The following HIF3A variants were observed in gnomAD, a reference collection of about 807,000 sequenced individuals.
HIF3A encodes the protein hypoxia inducible factor 3 subunit alpha.
Under a neutral mutation model 67.2 loss-of-function variants are expected in HIF3A, and 41 were observed. The ratio of observed to expected loss-of-function variants is 0.61; its 90% CI spans 0.48 to 0.79. The LOEUF (loss-of-function observed/expected upper bound fraction) is 0.79. Among genes scored for constraint, HIF3A ranks in the 30% least tolerant of loss-of-function variants. The pLI is 0.00. For synonymous variants in HIF3A, 356 were observed against 374.8 expected (o/e 0.95, Z 0.58); for missense variants, 855 against 898.0 (o/e 0.95, Z 0.61).
chr19:46,331,282 G>C lies in HIF3A; in HGVS notation c.1830+9G>C. ...TCTTTCCTCTCAGCCTGGTGTGTTG[G>C]GGGATTAATGGGATTCTCTGGCCCT... On this transcript the variant is annotated intron_variant, in intron 13 of 14. Transcript: ENST00000377670. The C allele has an allele frequency of 6.3e-7, 1 of 1,598,044 alleles. No individual in the cohort carries two copies. The highest frequency in any genetic ancestry group is 8.6e-7 in the Non-Finnish European group (1 of 1,165,718).
chr19:46,335,576 T>A (rs574588337), intron 14 of HIF3A, among the ~76,000 whole-genome samples: 6 of 151,844 alleles, frequency 4.0e-5, no homozygotes, highest in African/African-American at 7.2e-5. Flanking sequence ...AGCCTAAAAA[T>A]TTTTTTTTAA....
At chr19:46,324,923 T>C (rs2147252277) in intron 10 of HIF3A, among the ~76,000 whole-genome samples, 1 of 143,904 alleles carries the variant, frequency 6.9e-6, no homozygotes, top group African/African-American at 2.5e-5. Context: ...CACACATATA[T>C]ATATACACAT....
chr19:46,339,425 A>T, intron 14 of HIF3A, 100 bp from the exon 15 acceptor site: 1 of 806,156 alleles, frequency 1.2e-6, no homozygotes. Flanking sequence ...CAATTTCCTT[A>T]AGATTTTAAA....
At chr19:46,305,538 G>T (rs919634952) in intron 3 of HIF3A, 148 bp downstream of exon 3, 1 of 842,708 alleles carries the variant, frequency 1.2e-6, no homozygotes, top group South Asian at 1.7e-5. Context: ...ACCCAGAATG[G>T]TCAGGGCTGG....
At chr19:46,301,123 A>C (rs1167166411) in intron 1 of HIF3A, among the ~76,000 whole-genome samples, 1 of 152,128 alleles carries the variant, frequency 6.6e-6, no homozygotes, top group East Asian at 1.9e-4. Context: ...GCCAGGAAGG[A>C]GGGGACGGGG....
At chr19:46,304,367 T>G (rs1249842518) in intron 2 of HIF3A, among the ~76,000 whole-genome samples, 1 of 152,150 alleles carries the variant, frequency 6.6e-6, no homozygotes, top group Non-Finnish European at 1.5e-5. Flanking sequence ...CCCGCCTCCT[T>G]AGGACTCAGA....
intron 11 of HIF3A, 153 bp from the exon 12 acceptor site, chr19:46,329,054 C>A: frequency 1.6e-6 from 1 of 638,700 alleles, no homozygotes; most frequent in Non-Finnish European, 2.6e-6. Flanking sequence ...ACATGTTCTT[C>A]AGGGAGTCCT....
chr19:46,315,305 G>A (rs1056780550), intron 8 of HIF3A, among the ~76,000 whole-genome samples: 1 of 146,586 alleles, frequency 6.8e-6, no homozygotes, highest in Non-Finnish European at 1.5e-5. Context: ...GACCTCAGGT[G>A]ATCCTCCTGC....
At position 46,312,736 on chromosome 19, in the gene HIF3A, T is replaced by TGC. The variant is rs1555780977; in HGVS notation, c.1025+85_1025+86dup. The TGC allele has an allele frequency of 3.3e-4, 497 of 1,500,754 alleles. 1 individual carries two copies. The South Asian group carries it at 4.1e-3, about 12-fold the overall frequency. The allele number at this position is 1,500,754 out of a possible 1,614,324, so 93.0% of individuals were successfully genotyped here. A position where few individuals can be genotyped will look rare whatever the true frequency, so the allele number is the denominator to read the frequency against. ...AGGTGTGTGTGTGTGTGTGTGTGTG[T>TGC]GCGTATGAGCATGCATGTGTATCAT... On this transcript the variant is annotated intron_variant, in intron 8 of 14. Transcript: ENST00000377670.
rs150202983 is a variant in HIF3A, at chr19:46,320,519, G to A, written c.1102G>A (p.Ala368Thr). ...CTCTCGCAGACCCATTCAGCGGGGC[G>A]CCCCCTCTCAGAAGGACACCCCTAA... The part of the protein sequence containing the change: ...QHSRRPIQRG[A>T]PSQKDTPNPG... The change falls in exon 9 of 15, where the codon GCC (alanine) becomes ACC (threonine). Residue 368 changes from alanine to threonine, a missense_variant. Transcript: ENST00000377670. 66 of 1,613,918 alleles carry A rather than the reference G, an allele frequency of 4.1e-5. No homozygotes were observed. Among genetic ancestry groups the A allele is most frequent in the Non-Finnish European group, 5.3e-5 (63 of 1,179,970 alleles).
intron 1 of HIF3A, among the ~76,000 whole-genome samples, chr19:46,301,647 G>A (rs935361393): frequency 2.0e-5 from 3 of 151,938 alleles, no homozygotes; most frequent in African/African-American, 4.8e-5. Flanking sequence ...CCAACATAGC[G>A]AAACCCCGTC....
chr19:46,321,897 G>C lies in HIF3A; in HGVS notation c.1266G>C (p.Leu422=). The C allele has an allele frequency of 6.2e-7, 1 of 1,613,974 alleles. No homozygotes were observed. The change falls in exon 10 of 15, where the codon CTG becomes CTC. Residue 422 remains leucine (L), a synonymous_variant. Coordinates refer to ENST00000377670, the MANE Select transcript of HIF3A (RefSeq NM_152795.4). Reference sequence around the variant, plus strand: ...TCCGTCGCCTCCTGGGACCCATCCTGGATGGGGCTTCAGTAGCAGCCACTC... The same window carrying C: ...TCCGTCGCCTCCTGGGACCCATCCTCGATGGGGCTTCAGTAGCAGCCACTC... ...PDLRRLLGPI[L]DGASVAATPS...
At chr19:46,334,570 G>A (rs1750536606) in intron 13 of HIF3A, among the ~76,000 whole-genome samples, 1 of 151,630 alleles carries the variant, frequency 6.6e-6, no homozygotes, top group South Asian at 2.1e-4. Context: ...ATTTTTATTA[G>A]AGATAGGATC....
chr19:46,312,358 C>T, intron 7 of HIF3A, 91 bp downstream of exon 7: 1 of 1,610,330 alleles, frequency 6.2e-7, no homozygotes, highest in Non-Finnish European at 8.5e-7. Flanking sequence ...CCCCAGGATG[C>T]ACTGCCTCCC....
At chr19:46,298,219 C>CTCCCCCG in intron 1 of HIF3A, 2 of 329,780 alleles carry the variant, frequency 6.1e-6, no homozygotes, top group Non-Finnish European at 6.0e-6. Flanking sequence ...CCCCCATCCT[C>CTCCCCCG]TCCCCTGTCC....
intron 9 of HIF3A, 120 bp downstream of exon 9, chr19:46,320,681 C>T (rs535538348): frequency 1.7e-5 from 12 of 691,440 alleles, no homozygotes; most frequent in East Asian, 7.9e-5. Flanking sequence ...CCCTTCCCTG[C>T]GCACTCAGCC....
chr19:46,330,046 A>G (rs563475992), intron 12 of HIF3A, among the ~76,000 whole-genome samples: 1 of 143,460 alleles, frequency 7.0e-6, no homozygotes, highest in Admixed American at 6.9e-5. Flanking sequence ...GAAGGAAGGG[A>G]AGGAGGGAGG....
At position 46,308,235 on chromosome 19, in the gene HIF3A, A is replaced by G; in HGVS notation, c.378A>G (p.Gly126=). The G allele has an allele frequency of 2.5e-6, 4 of 1,613,742 alleles. No individual in the cohort carries two copies. Among genetic ancestry groups the G allele is most frequent in the Admixed American group, 1.7e-5 (1 of 59,962 alleles). The change falls in exon 4 of 15, where the codon GGA becomes GGG. Residue 126 remains glycine, a synonymous_variant. Transcript: ENST00000377670. ...HLGLSQLELI[G]HSIFDFIHPC... is the part of the protein sequence containing the mutation. ...ATCCCTGGCAGCTGGAGCTCATTGG[A>G]CACAGCATCTTTGATTTCATCCACC...
intron 1 of HIF3A, among the ~76,000 whole-genome samples, chr19:46,298,892 C>T (rs974730291): frequency 2.0e-5 from 3 of 152,318 alleles, no homozygotes; most frequent in African/African-American, 7.2e-5. Context: ...TAAGACGCCC[C>T]CCCCCAATAC....
Sources: allele counts gnomAD v4.1 joint callset (sites outside exome capture counted in the v4.1 genomes callset), GRCh38; gene constraint gnomAD v4.1.1; transcripts MANE v1.5; gene names NCBI Gene and HGNC (gene_info 2026-07-23, HGNC 2026-07-21).